The following UMAD1 variants were observed in gnomAD, a reference collection of about 807,000 sequenced individuals.
The protein encoded by UMAD1 is UBAP1-MVB12-associated (UMA)-domain containing protein 1.
UMAD1 carries 8 observed loss-of-function variants against 6.1 expected under a neutral mutation model. The ratio of observed to expected loss-of-function variants is 1.30; its 90% CI spans 0.76 to 2.35. The LOEUF is 2.35. Among genes scored for constraint, UMAD1 ranks in the 30% most tolerant of loss-of-function variants. The probability of loss-of-function intolerance (pLI) is 0.00; values close to 1 mark genes in which losing one functional copy is unlikely to be tolerated. For synonymous variants in UMAD1, 56 were observed against 31.4 expected, an observed-to-expected ratio of 1.78 and a Z score of -2.61; for missense variants, 130 against 78.4, an observed-to-expected ratio of 1.66 and a Z score of -2.49.
At chr7:7,877,104 G>A (rs1353134752) in intron 3 of UMAD1, among the ~76,000 whole-genome samples, 177 bp from the exon 4 acceptor site, 1 of 152,218 alleles carries the variant, frequency 6.6e-6, no homozygotes, top group Non-Finnish European at 1.5e-5. Flanking sequence ...TCATTTTAAA[G>A]CCTAACAGAG....
At chr7:7,806,542 G>T (rs1305739246) in intron 3 of UMAD1, among the ~76,000 whole-genome samples, 2 of 152,072 alleles carry the variant, frequency 1.3e-5, no homozygotes, top group Non-Finnish European at 2.9e-5. Context: ...GTAGATAAAT[G>T]AAAAATAAAT....
In UMAD1 at chr7:7,856,389, G is replaced by A. The variant is rs564648075; in HGVS notation, c.157-20892G>A. On this transcript the variant is annotated intron_variant, in intron 3 of 3. Coordinates refer to ENST00000682710, the MANE Select transcript of UMAD1 (RefSeq NM_001302348.2). ...CAAGGCAGCAAGAGAGAGAATGAGT[G>A]CCAGCAGGGGAAATGCCAGATGCTT... is the stretch of plus-strand genomic sequence containing the variant. Among the ~76,000 whole-genome samples the A allele has an allele frequency of 7.2e-5, 11 of 152,334 alleles. No individual in the cohort carries two copies. In the South Asian group the frequency reaches 2.1e-3, roughly 29 times the overall value.
At chr7:7,701,148 G>A (rs1272348849) in intron 2 of UMAD1, among the ~76,000 whole-genome samples, 1 of 152,124 alleles carries the variant, frequency 6.6e-6, no homozygotes, top group Non-Finnish European at 1.5e-5. Context: ...TAATAAACAT[G>A]TTCTGTATTC....
intron 2 of UMAD1, among the ~76,000 whole-genome samples, chr7:7,747,613 C>G (rs763727353): frequency 1.3e-5 from 2 of 152,168 alleles, no homozygotes; most frequent in Non-Finnish European, 2.9e-5. Flanking sequence ...GCAATTGAAA[C>G]TGCCGAGAAG....
intron 2 of UMAD1, among the ~76,000 whole-genome samples, chr7:7,684,206 A>G (rs1257940141): frequency 2.8e-5 from 4 of 144,842 alleles, no homozygotes; most frequent in Non-Finnish European, 4.6e-5. Context: ...CACAGATGCA[A>G]TTTTTTTTTT....
At chr7:7,821,543 C>G (rs530133590) in intron 3 of UMAD1, among the ~76,000 whole-genome samples, 1 of 152,204 alleles carries the variant, frequency 6.6e-6, no homozygotes, top group Non-Finnish European at 1.5e-5. Context: ...CAGTAAATAT[C>G]AGATATTAAA....
chr7:7,775,261 G>A (rs1782180468), intron 2 of UMAD1, among the ~76,000 whole-genome samples: 1 of 152,158 alleles, frequency 6.6e-6, no homozygotes, highest in Non-Finnish European at 1.5e-5. Context: ...ACTTGATATG[G>A]TTTGGCTGTG....
Position 7,722,368 on chromosome 7 carries a change from C to G in UMAD1, c.82+48915C>G, listed in dbSNP as rs150754239. ...CTTAATATGATTAGACCCAATAATG[C>G]GAAGGACTCTACTTCTAATGGTATA... On this transcript the variant is annotated intron_variant, in intron 2 of 3. Transcript: ENST00000682710. Among the ~76,000 whole-genome samples, 989 of 151,998 alleles carry G rather than the reference C, an allele frequency of 6.5e-3. 9 individuals are homozygous for G. The highest frequency in any genetic ancestry group is 0.036 in the South Asian group (175 of 4,822).
At position 7,790,016 on chromosome 7, in the gene UMAD1, T is replaced by C. The variant is rs529320760; in HGVS notation, c.83-11654T>C. Among the ~76,000 whole-genome samples, 2 of 152,314 alleles carry C rather than the reference T, an allele frequency of 1.3e-5. 1 individual carries two copies. Among genetic ancestry groups the C allele is most frequent in the African/African-American group, 4.8e-5 (2 of 41,564 alleles). ...ACAGAGTTATTTATTTTTTACGTAT[T>C]AGAATGTGGGCGGAATTGATGAAGG... On this transcript the variant is annotated intron_variant, in intron 2 of 3. Transcript: ENST00000682710.
At chr7:7,794,119 A>T (rs1169624592) in intron 2 of UMAD1, among the ~76,000 whole-genome samples, 2 of 152,164 alleles carry the variant, frequency 1.3e-5, no homozygotes, top group African/African-American at 4.8e-5. Flanking sequence ...TTGCATTCTC[A>T]GATACAGAGT....
chr7:7,694,986 T>A (rs929839604), intron 2 of UMAD1, among the ~76,000 whole-genome samples: 7 of 152,232 alleles, frequency 4.6e-5, no homozygotes, highest in Admixed American at 2.6e-4. Flanking sequence ...GTGGTTGTAC[T>A]AATTTACATT....
intron 3 of UMAD1, among the ~76,000 whole-genome samples, chr7:7,826,516 G>A (rs1783344755): frequency 6.6e-6 from 1 of 152,046 alleles, no homozygotes; most frequent in Non-Finnish European, 1.5e-5. Flanking sequence ...CCCACCATTT[G>A]TTATTTCTTT....
At position 7,847,096 on chromosome 7, in the gene UMAD1, AAAAAAAAAATATATATATATAT is replaced by A. The variant is rs1783805808; in HGVS notation, c.157-30183_157-30162del. ...AAAAAAGACAGCAATGCAAAAAAAA[AAAAAAAAAATATATATATATAT>A]ATATATATATATATATATATATATA... On this transcript the variant is annotated intron_variant, in intron 3 of 3. Transcript: ENST00000682710. Among the ~76,000 whole-genome samples, 6 of 50,064 alleles carry A rather than the reference AAAAAAAAAATATATATATATAT, an allele frequency of 1.2e-4. 1 individual carries two copies. Among genetic ancestry groups the A allele is most frequent in the African/African-American group, 6.8e-4 (5 of 7,356 alleles). 32.8% of individuals were successfully genotyped at this position (50,064 alleles called of 152,430 possible).
chr7:7,877,711 C>T lies in UMAD1; in HGVS notation c.*173C>T. ...TTTAAGAAAAAGGTACATTTGTATA[C>T]AAATTGAACTTAAGTTCTACTTCCT... is the stretch of plus-strand genomic sequence containing the variant. On this transcript the variant is annotated 3_prime_UTR_variant, in exon 4 of 4. Coordinates refer to ENST00000682710, the MANE Select transcript of UMAD1 (RefSeq NM_001302348.2). The T allele has an allele frequency of 1.8e-6, 1 of 568,584 alleles. No homozygotes were observed. The highest frequency in any genetic ancestry group is 3.1e-6 in the Non-Finnish European group (1 of 320,162). The allele number at this position is 568,584 out of a possible 1,614,324, so 35.2% of individuals were successfully genotyped here. A position where few individuals can be genotyped will look rare whatever the true frequency, so the allele number is the denominator to read the frequency against.
chr7:7,837,091 C>T (rs1234195488), intron 3 of UMAD1, among the ~76,000 whole-genome samples: 4 of 151,930 alleles, frequency 2.6e-5, no homozygotes, highest in East Asian at 1.9e-4. Context: ...TAAAAGACTG[C>T]CTTAAAGGAA....
At chr7:7,865,014 G>T (rs182179177) in intron 3 of UMAD1, among the ~76,000 whole-genome samples, 1 of 152,266 alleles carries the variant, frequency 6.6e-6, no homozygotes, top group East Asian at 1.9e-4. Flanking sequence ...AAGGGGTGTG[G>T]GAGCCCCAAA....
intron 2 of UMAD1, among the ~76,000 whole-genome samples, chr7:7,716,897 G>A (rs947669788): frequency 1.3e-5 from 2 of 152,088 alleles, no homozygotes; most frequent in African/African-American, 2.4e-5. Flanking sequence ...TATGTAAATG[G>A]CACACCTGGT....
intron 3 of UMAD1, among the ~76,000 whole-genome samples, chr7:7,831,003 G>C (rs1189955016): frequency 6.6e-6 from 1 of 152,006 alleles, no homozygotes; most frequent in Non-Finnish European, 1.5e-5. Context: ...AAAAATCAAT[G>C]CTTGTATTTC....
At chr7:7,713,604 A>T (rs1055312732) in intron 2 of UMAD1, among the ~76,000 whole-genome samples, 5 of 150,980 alleles carry the variant, frequency 3.3e-5, no homozygotes, top group African/African-American at 4.9e-5. Flanking sequence ...TCTTACCTTA[A>T]TTATTTCCTT....
Sources: gnomAD v4.1 joint callset for allele counts (sites outside exome capture counted in the v4.1 genomes callset) on GRCh38, gnomAD v4.1.1 for gene constraint, MANE v1.5 for transcripts, NCBI Gene and HGNC (gene_info 2026-07-23, HGNC 2026-07-21) for gene names.